SP100: variants seen among roughly 807,000 people sequenced by gnomAD.
SP100 encodes nuclear autoantigen Sp-100.
In SP100, 84 loss-of-function variants were observed where a neutral mutation model predicts 130.0. The ratio of observed to expected loss-of-function variants is 0.65; its 90% CI spans 0.54 to 0.77. The LOEUF is 0.77. Ranked by LOEUF, SP100 falls within the 30% of genes least tolerant of loss-of-function variation. The pLI is 0.00. For synonymous variants in SP100, 331 were observed against 351.7 expected, an observed-to-expected ratio of 0.94 and a Z score of 0.66; for missense variants, 978 against 1,052.2, an observed-to-expected ratio of 0.93 and a Z score of 0.97.
intron 24 of SP100, among the ~76,000 whole-genome samples, chr2:230,513,691 G>T (rs886918655): frequency 2.0e-5 from 3 of 152,202 alleles, no homozygotes; most frequent in African/African-American, 7.2e-5. Flanking sequence ...ACAAGATGAG[G>T]TAGGTCATGA....
intron 2 of SP100, among the ~76,000 whole-genome samples, chr2:230,423,813 G>T (rs536867995): frequency 6.6e-6 from 1 of 152,154 alleles, no homozygotes; most frequent in Non-Finnish European, 1.5e-5. Context: ...TGGAACGAGT[G>T]GGGGAAGTCG....
chr2:230,449,645 A>G lies in SP100; in HGVS notation c.671A>G (p.Asp224Gly), dbSNP rs759354711. ...INAKRKDTTS[D>G]KDDSLGSQQT... ...GCAAAGAGAAAAGATACAACCAGTG[A>G]CAAAGATGATTCGCTAGGAAGCCAA... The change falls in exon 7 of 29, where the codon GAC becomes GGC. Residue 224 changes from aspartate (D) to glycine (G), a missense_variant. Coordinates refer to ENST00000340126, the MANE Select transcript of SP100 (RefSeq NM_001080391.2). 1 of 1,614,224 alleles carries G rather than the reference A, an allele frequency of 6.2e-7. No homozygotes were observed.
rs150887645 is a variant in SP100 at position 230,431,257 on chromosome 2, C to T, written c.108-11680C>T. 3.4e-3 allele frequency among the ~76,000 whole-genome samples: 516 copies of T among 152,302 alleles called. 4 individuals are homozygous for T. Among genetic ancestry groups the T allele is most frequent in the African/African-American group, 0.012 (494 of 41,568 alleles). On this transcript the variant is annotated intron_variant, in intron 2 of 28. Transcript: ENST00000340126. ...AGCCCCTCTGATTTCCTGTTTGTTTCCCATGAGGCAAGACAGAATTGGGCC... is the reference window on the plus strand; with the variant it reads ...AGCCCCTCTGATTTCCTGTTTGTTTTCCATGAGGCAAGACAGAATTGGGCC...
intron 2 of SP100, among the ~76,000 whole-genome samples, chr2:230,429,362 T>C (rs1447728331): frequency 6.6e-6 from 1 of 152,234 alleles, no homozygotes; most frequent in African/African-American, 2.4e-5. Flanking sequence ...TAATGAGTTA[T>C]ATTTTCCTTG....
chr2:230,473,562 G>A, intron 16 of SP100, 122 bp downstream of exon 16: 1 of 579,210 alleles, frequency 1.7e-6, no homozygotes. Flanking sequence ...ATCACCAACA[G>A]GAAGTGGGCC....
chr2:230,510,437 T>C (rs1164563297), intron 23 of SP100: 1 of 145,472 alleles, frequency 6.9e-6, no homozygotes, highest in African/African-American at 2.6e-5. Flanking sequence ...AGTCGGCCGA[T>C]TCCCTTTGCA....
At chr2:230,503,808 G>T (rs1210016138) in intron 20 of SP100, among the ~76,000 whole-genome samples, 4 of 152,192 alleles carry the variant, frequency 2.6e-5, no homozygotes, top group Admixed American at 6.5e-5. Flanking sequence ...CTCAGTCAAT[G>T]CCTGGAATGG....
chr2:230,492,697 T>G (rs1451875921), intron 17 of SP100, among the ~76,000 whole-genome samples: 1 of 152,220 alleles, frequency 6.6e-6, no homozygotes, highest in Non-Finnish European at 1.5e-5. Context: ...TCACTTTTAT[T>G]TTTGTCCTTT....
At chr2:230,507,902 A>T in intron 22 of SP100, 91 bp from the exon 23 acceptor site, 2 of 1,083,280 alleles carry the variant, frequency 1.8e-6, no homozygotes, top group Non-Finnish European at 2.7e-6. Context: ...TGGGATATCC[A>T]GGTAGGAATA....
At chr2:230,463,669 T>C (rs1018358481) in intron 10 of SP100, 1 of 155,854 alleles carries the variant, frequency 6.4e-6, no homozygotes, top group Non-Finnish European at 1.4e-5. Flanking sequence ...CATGAGGAGA[T>C]TATTTCTCAG....
intron 19 of SP100, among the ~76,000 whole-genome samples, chr2:230,502,828 C>T (rs969225298): frequency 2.2e-4 from 33 of 152,292 alleles, no homozygotes; most frequent in African/African-American, 7.7e-4. Flanking sequence ...CAGTCACCGT[C>T]GCATCCTTTG....
chr2:230,500,849 C>T (rs1332425306), intron 19 of SP100, among the ~76,000 whole-genome samples: 1 of 152,190 alleles, frequency 6.6e-6, no homozygotes, highest in Non-Finnish European at 1.5e-5. Flanking sequence ...ACTGATCGAT[C>T]TAGAGCAATT....
chr2:230,425,343 G>C (rs2062894621), intron 2 of SP100, among the ~76,000 whole-genome samples: 1 of 149,248 alleles, frequency 6.7e-6, no homozygotes, highest in Admixed American at 6.7e-5. Flanking sequence ...TTGACCCTCT[G>C]TTTCTATGAT....
chr2:230,488,062 T>C (rs1350189453), intron 17 of SP100, among the ~76,000 whole-genome samples: 1 of 152,192 alleles, frequency 6.6e-6, no homozygotes, highest in Non-Finnish European at 1.5e-5. Flanking sequence ...CTGACATTCC[T>C]TATCAATTTA....
At chr2:230,503,454 A>C (rs2067148495) in intron 20 of SP100, among the ~76,000 whole-genome samples, 1 of 152,188 alleles carries the variant, frequency 6.6e-6, no homozygotes, top group African/African-American at 2.4e-5. Flanking sequence ...ATCACTTTAA[A>C]TATTTACCTT....
At chr2:230,469,893 G>A in intron 14 of SP100, 122 bp from the exon 15 acceptor site, 1 of 1,512,798 alleles carries the variant, frequency 6.6e-7, no homozygotes, top group South Asian at 1.3e-5. Context: ...GTGGCCTAGT[G>A]GTGGGACTAT....
chr2:230,450,629 C>T (rs572052768), intron 8 of SP100, among the ~76,000 whole-genome samples: 16 of 152,282 alleles, frequency 1.1e-4, no homozygotes, highest in Admixed American at 2.6e-4. Flanking sequence ...CTCCCCAGTC[C>T]TCTTCCTCAT....
chr2:230,448,012 T>G (rs1335079137), intron 5 of SP100, among the ~76,000 whole-genome samples: 2 of 152,224 alleles, frequency 1.3e-5, no homozygotes, highest in African/African-American at 2.4e-5. Context: ...TAACAGAAAG[T>G]GCTCTTTTCA....
chr2:230,427,167 CTT>C, intron 2 of SP100, among the ~76,000 whole-genome samples: 1 of 151,168 alleles, frequency 6.6e-6, no homozygotes, highest in East Asian at 1.9e-4. Flanking sequence ...CTCTCTCTCT[CTT>C]TTTTTTTCCT....
Sources: gnomAD v4.1 joint callset for allele counts (sites outside exome capture counted in the v4.1 genomes callset) on GRCh38, gnomAD v4.1.1 for gene constraint, MANE v1.5 for transcripts, NCBI Gene and HGNC (gene_info 2026-07-23, HGNC 2026-07-21) for gene names.